The following KLHDC4 variants were observed in gnomAD, a reference collection of about 807,000 sequenced individuals.
KLHDC4 encodes kelch domain-containing protein 4.
Under a neutral mutation model 62.4 loss-of-function variants are expected in KLHDC4, and 90 were observed. The observed-to-expected ratio is 1.44, with a 90% CI of 1.22 to 1.72. KLHDC4 has a LOEUF of 1.72. KLHDC4 is among the 40% of genes most tolerant of loss of function. The probability of loss-of-function intolerance (pLI) is 0.00; values close to 1 mark genes in which losing one functional copy is unlikely to be tolerated. For missense variants in KLHDC4, 1,025 were observed against 699.7 expected (o/e 1.47, Z -5.25); for synonymous variants, 386 against 284.4 (o/e 1.36, Z -3.59).
At chr16:87,746,497 C>T (rs1488304199) in intron 5 of KLHDC4, among the ~76,000 whole-genome samples, 1 of 152,194 alleles carries the variant, frequency 6.6e-6, no homozygotes. Flanking sequence ...ACGCACACTC[C>T]ACACGACCTT....
chr16:87,713,044 T>C (rs1039321869), intron 8 of KLHDC4, among the ~76,000 whole-genome samples: 1 of 152,230 alleles, frequency 6.6e-6, no homozygotes, highest in Non-Finnish European at 1.5e-5. Flanking sequence ...TTATTTTTTA[T>C]TTTTTGAGAC....
At chr16:87,714,180 C>T (rs1396986655) in intron 8 of KLHDC4, among the ~76,000 whole-genome samples, 7 of 152,208 alleles carry the variant, frequency 4.6e-5, no homozygotes, top group Non-Finnish European at 5.9e-5. Context: ...GAGCTCAAGA[C>T]CCTTGGAGGG....
At chr16:87,737,135 G>GAT (rs2041464098) in intron 5 of KLHDC4, among the ~76,000 whole-genome samples, 1 of 100,626 alleles carries the variant, frequency 9.9e-6, no homozygotes, top group Non-Finnish European at 2.2e-5. Context: ...AAAAAGATAA[G>GAT]AAAACCAAGA....
rs1361337936 is a variant in KLHDC4, at chr16:87,708,021, G to C, written c.*56C>G. 4.0e-6 allele frequency: 2 copies of C among 501,968 alleles called. No homozygotes were observed. The highest frequency in any genetic ancestry group is 7.8e-6 in the Non-Finnish European group (2 of 256,944). 31.1% of individuals were successfully genotyped at this position (501,968 alleles called of 1,614,324 possible). A position where few individuals can be genotyped will look rare whatever the true frequency, so the allele number is the denominator to read the frequency against. Reference sequence around the variant, plus strand: ...CCAAGAGCTTCACTCAACACGGCTGGGTCCTGGGCGGACGTGGGCACAGCA... The same window carrying C: ...CCAAGAGCTTCACTCAACACGGCTGCGTCCTGGGCGGACGTGGGCACAGCA... On this transcript the variant is annotated 3_prime_UTR_variant, in exon 12 of 12. Transcript: ENST00000270583.
chr16:87,705,910 G>C (rs1272874188), downstream of KLHDC4, among the ~76,000 whole-genome samples: 6 of 152,238 alleles, frequency 3.9e-5, no homozygotes, highest in African/African-American at 1.4e-4. Context: ...CCAGCACTCA[G>C]ACAAAGTGCC....
At chr16:87,734,695 T>A (rs2040972793) in intron 5 of KLHDC4, among the ~76,000 whole-genome samples, 2 of 152,128 alleles carry the variant, frequency 1.3e-5, no homozygotes, top group South Asian at 4.1e-4. Flanking sequence ...GCCTTTGGGG[T>A]GGCCTCTTCA....
At chr16:87,725,447 G>C (rs2039188880) in intron 7 of KLHDC4, among the ~76,000 whole-genome samples, 1 of 152,176 alleles carries the variant, frequency 6.6e-6, no homozygotes, top group Admixed American at 6.5e-5. Flanking sequence ...TTACAGGCGT[G>C]AGCCACCGCG....
chr16:87,753,310 G>C (rs1315796006), intron 4 of KLHDC4, among the ~76,000 whole-genome samples: 1 of 152,140 alleles, frequency 6.6e-6, no homozygotes, highest in African/African-American at 2.4e-5. Flanking sequence ...GCTTACACAG[G>C]GCTTGGAAAC....
At chr16:87,759,118 G>A (rs1457689531) in intron 2 of KLHDC4, among the ~76,000 whole-genome samples, 1 of 152,152 alleles carries the variant, frequency 6.6e-6, no homozygotes, top group African/African-American at 2.4e-5. Context: ...GTTGCGGTGA[G>A]CCGATATCAT....
intron 6 of KLHDC4, among the ~76,000 whole-genome samples, chr16:87,728,900 G>A (rs922466789): frequency 1.3e-4 from 19 of 151,982 alleles, no homozygotes; most frequent in Admixed American, 5.9e-4. Context: ...TCAGCCTCCC[G>A]AGTGCCTGGG....
intron 1 of KLHDC4, among the ~76,000 whole-genome samples, chr16:87,762,640 G>A (rs567271723): frequency 6.6e-6 from 1 of 152,212 alleles, no homozygotes; most frequent in Non-Finnish European, 1.5e-5. Context: ...TGCACAGCAA[G>A]AGCTCAGCAA....
In KLHDC4 at chr16:87,714,536, G is replaced by A. The variant is rs372381990; in HGVS notation, c.797C>T (p.Ser266Leu). Reference sequence around the variant, plus strand: ...CTCTGGCTTCAGCAGGAACATGTCTGAGTGCCGTGTGCCCTTGTCCACGTC... The same window carrying A: ...CTCTGGCTTCAGCAGGAACATGTCTAAGTGCCGTGTGCCCTTGTCCACGTC... ...KKDVDKGTRH[S>L]DMFLLKPEDG... Residue 266 changes from serine (S) to leucine (L), a missense_variant, in exon 8 of 12, where the codon TCA becomes TTA. Transcript: ENST00000270583. 17 of 1,614,072 alleles carry A rather than the reference G, an allele frequency of 1.1e-5. No individual in the cohort carries two copies. The highest frequency in any genetic ancestry group is 2.2e-5 in the East Asian group (1 of 44,884).
intron 5 of KLHDC4, among the ~76,000 whole-genome samples, chr16:87,738,772 TCATC>T (rs2041796793): frequency 1.9e-5 from 2 of 103,406 alleles, no homozygotes; most frequent in Non-Finnish European, 3.8e-5. Flanking sequence ...CACCAGCACC[TCATC>T]CATCCACACA....
Position 87,759,396 on chromosome 16 carries a change from C to G in KLHDC4, c.191+2553G>C, listed in dbSNP as rs558588185. ...TCGCGCCATAGCACTCCAGCCTGGG[C>G]AACAAAAGCAAAACTCCGTCTCAGA... is the stretch of plus-strand genomic sequence containing the variant. On this transcript the variant is annotated intron_variant, in intron 2 of 11. Transcript: ENST00000270583. 5.5e-5 allele frequency among the ~76,000 whole-genome samples: 8 copies of G among 144,178 alleles called. No homozygotes were observed. In the East Asian group the frequency reaches 1.6e-3, roughly 29 times the overall value. 94.6% of individuals were successfully genotyped at this position (144,178 alleles called of 152,430 possible).
intron 4 of KLHDC4, chr16:87,750,528 C>G (rs1370795696): frequency 6.6e-6 from 1 of 152,288 alleles, no homozygotes; most frequent in Non-Finnish European, 1.5e-5. Flanking sequence ...GTTTTATTTC[C>G]TCTCGTTTCA....
At position 87,709,773 on chromosome 16, in the gene KLHDC4, C is replaced by T. The variant is rs1051843948; in HGVS notation, c.1045-106G>A. 3.3e-5 allele frequency: 44 copies of T among 1,320,904 alleles called. No individual in the cohort carries two copies. The African/African-American group carries it at 4.0e-4, about 12-fold the overall frequency. The allele number at this position is 1,320,904 out of a possible 1,614,324, so 81.8% of individuals were successfully genotyped here. On this transcript the variant is annotated intron_variant, in intron 9 of 11. Coordinates refer to ENST00000270583, the MANE Select transcript of KLHDC4 (RefSeq NM_017566.4). ...AGGGTTTGCGGGGACCACCCACAAG[C>T]GTGGGGAGTGTGTGACCCAGGAAGG...
intron 2 of KLHDC4, 107 bp from the exon 3 acceptor site, chr16:87,756,584 C>T: frequency 1.3e-6 from 1 of 780,602 alleles, no homozygotes. Context: ...GCTGCCTCTA[C>T]ACTTCCTGAA....
Position 87,709,595 on chromosome 16 carries a change from A to C in KLHDC4, c.1117T>G (p.Cys373Gly). 1 of 1,612,110 alleles carries C rather than the reference A, an allele frequency of 6.2e-7. No homozygotes were observed. Among genetic ancestry groups the C allele is most frequent in the East Asian group, 2.2e-5 (1 of 44,850 alleles). The change falls in exon 10 of 12, where the codon TGT (cysteine) becomes GGT (glycine). Residue 373 changes from cysteine (C) to glycine (G), a missense_variant. Coordinates refer to ENST00000270583, the MANE Select transcript of KLHDC4 (RefSeq NM_017566.4). ...GGCCCCTGGGTGCCAGCTCCCCCAC[A>C]CGCCGGCCTGCTACCACCTTCGGGC... ...EEPEGGSRPA[C>G]GGAGTQGPVQ... is the part of the protein sequence containing the mutation.
intron 7 of KLHDC4, among the ~76,000 whole-genome samples, chr16:87,716,192 T>A (rs2036936655): frequency 6.7e-6 from 1 of 150,170 alleles, no homozygotes; most frequent in South Asian, 2.1e-4. Flanking sequence ...AGACTTTGGG[T>A]ACACGCTATG....
Sources: gnomAD v4.1 joint callset for allele counts (sites outside exome capture counted in the v4.1 genomes callset) on GRCh38, gnomAD v4.1.1 for gene constraint, MANE v1.5 for transcripts, NCBI Gene and HGNC (gene_info 2026-07-23, HGNC 2026-07-21) for gene names.